The following LRP1B variants were observed in gnomAD, a reference collection of about 807,000 sequenced individuals.
LRP1B encodes low-density lipoprotein receptor-related protein 1B.
Under a neutral mutation model 556.6 loss-of-function variants are expected in LRP1B, and 217 were observed. That is an observed-to-expected ratio of 0.39 (90% confidence interval 0.35 to 0.44). LRP1B has a LOEUF of 0.44. LRP1B is among the 20% of genes least tolerant of loss of function. The pLI is 1.00. For missense variants in LRP1B, 5,053 were observed against 5,620.8 expected (o/e 0.90, Z 3.23); for synonymous variants, 2,047 against 1,865.8 (o/e 1.10, Z -2.50).
chr2:141,361,780 A>G (rs1688835524), intron 3 of LRP1B, among the ~76,000 whole-genome samples: 1 of 152,198 alleles, frequency 6.6e-6, no homozygotes, highest in East Asian at 1.9e-4. Flanking sequence ...AGAAAAGTCT[A>G]TTTGAGAAGT....
At chr2:140,780,085 AAAGT>A (rs909191290) in intron 32 of LRP1B, among the ~76,000 whole-genome samples, 14 of 152,050 alleles carry the variant, frequency 9.2e-5, no homozygotes, top group Non-Finnish European at 1.9e-4. Flanking sequence ...ATGAAAAAAG[AAAGT>A]AAGGGAGGGA....
chr2:140,415,672 C>G (rs566285460), intron 66 of LRP1B, among the ~76,000 whole-genome samples: 2 of 152,294 alleles, frequency 1.3e-5, no homozygotes, highest in Non-Finnish European at 1.5e-5. Context: ...TCCTCACCTA[C>G]CATAGTTTCT....
At chr2:140,952,612 C>A (rs1209653033) in intron 18 of LRP1B, among the ~76,000 whole-genome samples, 2 of 151,924 alleles carry the variant, frequency 1.3e-5, no homozygotes, top group East Asian at 3.9e-4. Context: ...CCTTACTAAC[C>A]TTTAGATAAT....
chr2:141,246,567 T>C (rs1034354163), intron 5 of LRP1B, among the ~76,000 whole-genome samples: 1 of 152,214 alleles, frequency 6.6e-6, no homozygotes, highest in Non-Finnish European at 1.5e-5. Context: ...AAGCAGAAGC[T>C]CACAGAACCC....
At chr2:141,344,520 A>T (rs1688177165) in intron 3 of LRP1B, among the ~76,000 whole-genome samples, 1 of 152,146 alleles carries the variant, frequency 6.6e-6, no homozygotes, top group Non-Finnish European at 1.5e-5. Flanking sequence ...GTTTTCATTG[A>T]GGAACCCTGT....
intron 24 of LRP1B, 65 bp downstream of exon 24, chr2:140,886,073 C>A (rs141850523): frequency 5.1e-6 from 5 of 986,740 alleles, no homozygotes; most frequent in Non-Finnish European, 7.5e-6. Context: ...CTAGTTATAA[C>A]GTGTTCTTTG....
At chr2:140,587,082 T>A (rs1471967582) in intron 43 of LRP1B, among the ~76,000 whole-genome samples, 1 of 151,984 alleles carries the variant, frequency 6.6e-6, no homozygotes, top group Non-Finnish European at 1.5e-5. Context: ...GTTCAGTGAA[T>A]AAACTCAACA....
At chr2:141,181,969 C>A (rs905844058) in intron 7 of LRP1B, among the ~76,000 whole-genome samples, 2 of 151,912 alleles carry the variant, frequency 1.3e-5, no homozygotes, top group African/African-American at 4.8e-5. Context: ...TTAGTGCAGA[C>A]CAGGAAACAC....
chr2:141,619,535 G>T (rs112904456), intron 2 of LRP1B, among the ~76,000 whole-genome samples: 1 of 152,220 alleles, frequency 6.6e-6, no homozygotes. Context: ...ATTGTAATCC[G>T]CCTGTCTGAT....
intron 1 of LRP1B, among the ~76,000 whole-genome samples, chr2:141,815,118 G>T (rs749928074): frequency 2.0e-5 from 3 of 152,194 alleles, no homozygotes; most frequent in Non-Finnish European, 4.4e-5. Flanking sequence ...CCAAGAAGAA[G>T]GTGAAAGTAG....
chr2:141,595,221 A>T (rs1027332639), intron 2 of LRP1B, among the ~76,000 whole-genome samples: 2 of 152,208 alleles, frequency 1.3e-5, no homozygotes, highest in African/African-American at 4.8e-5. Context: ...TGCTTTGTGA[A>T]GGTTTTCTTA....
chr2:141,180,047 A>G (rs2105169233), intron 7 of LRP1B, among the ~76,000 whole-genome samples: 1 of 151,898 alleles, frequency 6.6e-6, no homozygotes, highest in East Asian at 1.9e-4. Context: ...TTGCAAACCA[A>G]GATTCTTCCA....
chr2:140,994,920 A>C (rs577682541), intron 15 of LRP1B, among the ~76,000 whole-genome samples: 1 of 152,018 alleles, frequency 6.6e-6, no homozygotes, highest in Non-Finnish European at 1.5e-5. Context: ...GAAAATTTTC[A>C]ATTTTTCTGG....
intron 7 of LRP1B, among the ~76,000 whole-genome samples, chr2:141,132,435 G>A (rs1040767972): frequency 1.1e-4 from 16 of 151,942 alleles, no homozygotes; most frequent in Non-Finnish European, 2.4e-4. Flanking sequence ...TCTCTGCCAT[G>A]TTGTGACACA....
chr2:141,652,454 G>A (rs982762699), intron 2 of LRP1B, among the ~76,000 whole-genome samples: 6 of 152,198 alleles, frequency 3.9e-5, no homozygotes, highest in Admixed American at 6.5e-5. Context: ...GACATAGTAT[G>A]AGTAAACATT....
intron 32 of LRP1B, among the ~76,000 whole-genome samples, chr2:140,804,592 A>C (rs1426646981): frequency 6.6e-5 from 10 of 151,428 alleles, no homozygotes; most frequent in Admixed American, 6.6e-4. Flanking sequence ...ACATTTTAAA[A>C]GCTTATCATT....
intron 27 of LRP1B, among the ~76,000 whole-genome samples, chr2:140,854,140 G>T (rs1363802077): frequency 6.6e-6 from 1 of 150,982 alleles, no homozygotes; most frequent in Non-Finnish European, 1.5e-5. Context: ...GGAAAAAAAA[G>T]TTTGTTCAAA....
At chr2:141,938,077 A>G (rs1365524019) in intron 1 of LRP1B, among the ~76,000 whole-genome samples, 1 of 152,016 alleles carries the variant, frequency 6.6e-6, no homozygotes, top group Non-Finnish European at 1.5e-5. Context: ...CCAGTACCAT[A>G]CCCTTTTGAT....
At chr2:141,133,823 C>T (rs1401748903) in intron 7 of LRP1B, among the ~76,000 whole-genome samples, 1 of 151,916 alleles carries the variant, frequency 6.6e-6, no homozygotes, top group Non-Finnish European at 1.5e-5. Context: ...TTCAACTACT[C>T]ATGATTGCCC....
Sources: allele counts gnomAD v4.1 joint callset (sites outside exome capture counted in the v4.1 genomes callset), GRCh38; gene constraint gnomAD v4.1.1; transcripts MANE v1.5; gene names NCBI Gene and HGNC (gene_info 2026-07-23, HGNC 2026-07-21).